Variants in ASIC5 observed in about 807,000 individuals in gnomAD.
ASIC5 encodes the protein bile acid-sensitive ion channel.
ASIC5 carries 52 observed loss-of-function variants against 51.2 expected under a neutral mutation model. The ratio of observed to expected loss-of-function variants is 1.02; its 90% CI spans 0.81 to 1.28. The LOEUF (loss-of-function observed/expected upper bound fraction) is 1.28. Among genes scored for constraint, ASIC5 ranks in the 50% most tolerant of loss-of-function variants. The pLI, the probability that ASIC5 is intolerant of heterozygous loss-of-function variation, is 0.00. For missense variants in ASIC5, 635 were observed against 595.0 expected (o/e 1.07, Z -0.70); for synonymous variants, 231 against 200.7 (o/e 1.15, Z -1.28).
intron 2 of ASIC5, among the ~76,000 whole-genome samples, chr4:155,859,211 C>T (rs1415988167): frequency 6.6e-6 from 1 of 151,966 alleles, no homozygotes; most frequent in East Asian, 1.9e-4. Context: ...ACAACTGGAA[C>T]AGATTTTAAA....
chr4:155,846,868 T>C (rs752499751), intron 4 of ASIC5, among the ~76,000 whole-genome samples: 7 of 151,996 alleles, frequency 4.6e-5, no homozygotes, highest in Non-Finnish European at 7.4e-5. Context: ...AAAAAAAGTG[T>C]GTCCTTTATA....
At chr4:155,859,300 T>C (rs1452642265) in intron 2 of ASIC5, among the ~76,000 whole-genome samples, 1 of 152,102 alleles carries the variant, frequency 6.6e-6, no homozygotes, top group Non-Finnish European at 1.5e-5. Context: ...TTGTTTATTT[T>C]ATTTTTTAAC....
intron 6 of ASIC5, among the ~76,000 whole-genome samples, chr4:155,839,464 G>A (rs1741068561): frequency 6.6e-6 from 1 of 151,994 alleles, no homozygotes; most frequent in Non-Finnish European, 1.5e-5. Context: ...ACCCACTATA[G>A]ATTGTGAGAT....
At chr4:155,831,251 A>C (rs1740864943) in intron 9 of ASIC5, among the ~76,000 whole-genome samples, 1 of 152,160 alleles carries the variant, frequency 6.6e-6, no homozygotes, top group Non-Finnish European at 1.5e-5. Flanking sequence ...AAGTCACTTG[A>C]TGAGGGATCT....
At chr4:155,849,349 G>A (rs575669010) in intron 4 of ASIC5, among the ~76,000 whole-genome samples, 30 of 151,962 alleles carry the variant, frequency 2.0e-4, no homozygotes, top group African/African-American at 6.0e-4. Context: ...GGCTGGGCTC[G>A]GCTTTTAAAA....
intron 1 of ASIC5, 28 bp downstream of exon 1, chr4:155,866,158 CT>C: frequency 6.9e-7 from 1 of 1,441,422 alleles, no homozygotes; most frequent in Non-Finnish European, 9.6e-7. Context: ...AAAAATATTA[CT>C]GCTCTGAGGA....
rs139167852 is a variant in ASIC5, at chr4:155,854,146, G to A, written c.516C>T (p.Asn172=). The part of the protein sequence containing the change: ...QNFSIVEFIR[N]KGFYLNNSTL... ...TGCTATTGTTGAGATAAAAACCTTT[G>A]TTCCTGATAAATTCCACAATGCTGA... Residue 172 remains asparagine (N), a synonymous_variant, in exon 3 of 10, where the codon AAC becomes AAT. Coordinates refer to ENST00000537611, the MANE Select transcript of ASIC5 (RefSeq NM_017419.3). 1 of 1,613,306 alleles carries A rather than the reference G, an allele frequency of 6.2e-7. No homozygotes were observed. The highest frequency in any genetic ancestry group is 8.5e-7 in the Non-Finnish European group (1 of 1,179,646).
intron 2 of ASIC5, among the ~76,000 whole-genome samples, chr4:155,859,152 T>C (rs1255637516): frequency 6.6e-6 from 1 of 152,062 alleles, no homozygotes; most frequent in African/African-American, 2.4e-5. Context: ...AGCTTAACTT[T>C]TCCCTTTGGC....
At chr4:155,863,784 C>CA (rs754349322) in intron 1 of ASIC5, 30 bp from the exon 2 acceptor site, 39 of 1,524,166 alleles carry the variant, frequency 2.6e-5, no homozygotes, top group Admixed American at 1.2e-4. Flanking sequence ...AATGATTAAA[C>CA]AAAAAAAAGT....
At chr4:155,847,898 G>A (rs1446519591) in intron 4 of ASIC5, among the ~76,000 whole-genome samples, 1 of 152,014 alleles carries the variant, frequency 6.6e-6, no homozygotes, top group Non-Finnish European at 1.5e-5. Context: ...AATCACGACT[G>A]TCAAAGGCAC....
At position 155,838,850 on chromosome 4, in the gene ASIC5, G is replaced by T. The variant is rs1741052684; in HGVS notation, c.1029C>A (p.Asp343Glu). 1 of 1,580,460 alleles carries T rather than the reference G, an allele frequency of 6.3e-7. No individual in the cohort carries two copies. Among genetic ancestry groups the T allele is most frequent in the Non-Finnish European group, 8.7e-7 (1 of 1,151,620 alleles). Residue 343 changes from aspartate (D) to glutamate (E), a missense_variant, in exon 7 of 10, where the codon GAC (aspartate) becomes GAA (glutamate). Transcript: ENST00000537611. ...AAACACAGCTGAAGTACTTTTGTAG[G>T]TCACATTCTATCCCATATCCTTAAA... ...FLLPGYGIEC[D>E]LQKYFSCVSP...
intron 2 of ASIC5, among the ~76,000 whole-genome samples, chr4:155,855,867 T>C (rs1741524968): frequency 6.6e-6 from 1 of 151,896 alleles, no homozygotes; most frequent in African/African-American, 2.4e-5. Context: ...ATGTGGAAAA[T>C]TTGCATCTGT....
intron 2 of ASIC5, among the ~76,000 whole-genome samples, chr4:155,858,403 A>G (rs893798464): frequency 3.3e-5 from 5 of 152,096 alleles, no homozygotes; most frequent in Non-Finnish European, 5.9e-5. Flanking sequence ...GTGCTATGGA[A>G]CATCAATACA....
chr4:155,858,969 C>T (rs921439443), intron 2 of ASIC5: 10 of 152,096 alleles, frequency 6.6e-5, no homozygotes, highest in Admixed American at 5.9e-4. Flanking sequence ...GATTTATATT[C>T]TCAGGGTGAA....
At chr4:155,831,548 G>C (rs545995966) in intron 9 of ASIC5, among the ~76,000 whole-genome samples, 21 of 152,232 alleles carry the variant, frequency 1.4e-4, no homozygotes, top group African/African-American at 4.8e-4. Context: ...AATGTGGGCG[G>C]ATCACGGGGT....
chr4:155,848,256 C>A (rs1181736627), intron 4 of ASIC5, among the ~76,000 whole-genome samples: 1 of 151,766 alleles, frequency 6.6e-6, no homozygotes, highest in Non-Finnish European at 1.5e-5. Context: ...TATTTTACAC[C>A]TTTGATATTT....
Position 155,836,741 on chromosome 4 carries a change from T to C in ASIC5, c.1183A>G (p.Lys395Glu), listed in dbSNP as rs762728762. ...TISYSSFPSQ[K>E]ALKYLSKKLN... ...TTCTTGGAAAGATATTTCAAAGCTT[T>C]TTGACTTGGAAAAGAGGAATAAGAA... The change falls in exon 8 of 10, where the codon AAA becomes GAA. Residue 395 changes from lysine to glutamate, a missense_variant. Lys to Glu is a moderately conservative substitution (Grantham distance 56, BLOSUM62 1). Transcript: ENST00000537611. 6.2e-7 allele frequency: 1 copy of C among 1,611,822 alleles called. No homozygotes were observed. Among genetic ancestry groups the C allele is most frequent in the South Asian group, 1.1e-5 (1 of 90,860 alleles).
intron 8 of ASIC5, among the ~76,000 whole-genome samples, chr4:155,834,905 G>A (rs1432306348): frequency 3.9e-5 from 6 of 152,084 alleles, no homozygotes; most frequent in African/African-American, 1.2e-4. Context: ...GAGCTCGGCC[G>A]GGGGTGTTCA....
rs1339360818 is a variant in ASIC5, at chr4:155,831,984, A to G, written c.1236-69T>C. On this transcript the variant is annotated intron_variant, in intron 8 of 9. Coordinates refer to ENST00000537611, the MANE Select transcript of ASIC5 (RefSeq NM_017419.3). ...ATTACTTTTAATTCCCGTCGAATAAAGGTAATATTCATTTTTGTTTTATAT... is the reference window on the plus strand; with the variant it reads ...ATTACTTTTAATTCCCGTCGAATAAGGGTAATATTCATTTTTGTTTTATAT... The G allele has an allele frequency of 8.7e-6, 7 of 807,198 alleles. No individual in the cohort carries two copies. In the East Asian group the frequency reaches 1.9e-4, roughly 22 times the overall value. The allele number at this position is 807,198 out of a possible 1,614,324, so 50.0% of individuals were successfully genotyped here.
Sources: gnomAD v4.1 joint callset for allele counts (sites outside exome capture counted in the v4.1 genomes callset) on GRCh38, gnomAD v4.1.1 for gene constraint, MANE v1.5 for transcripts, NCBI Gene and HGNC (gene_info 2026-07-23, HGNC 2026-07-21) for gene names.